Variants in DPP10 observed in about 807,000 individuals in gnomAD.
DPP10 encodes the protein dipeptidyl peptidase like 10, also known as inactive dipeptidyl peptidase 10.
DPP10 carries 33 observed loss-of-function variants against 120.9 expected under a neutral mutation model. That is an observed-to-expected ratio of 0.27 (90% CI 0.21 to 0.37). The LOEUF (loss-of-function observed/expected upper bound fraction) is 0.37, where lower values mean the gene tolerates loss of function less well. Among genes scored for constraint, DPP10 ranks in the 10% least tolerant of loss-of-function variants. The pLI, the probability that DPP10 is intolerant of heterozygous loss-of-function variation, is 1.00. For synonymous variants in DPP10, 337 were observed against 326.1 expected (o/e 1.03, Z -0.36); for missense variants, 816 against 942.8 (o/e 0.87, Z 1.76).
At chr2:115,059,515 G>A (rs1706224065) in intron 1 of DPP10, among the ~76,000 whole-genome samples, 1 of 151,894 alleles carries the variant, frequency 6.6e-6, no homozygotes, top group Non-Finnish European at 1.5e-5. Flanking sequence ...ATGCTGTTCT[G>A]AACAATCAGA....
chr2:115,190,766 A>T (rs1200145151), intron 1 of DPP10, among the ~76,000 whole-genome samples: 2 of 152,126 alleles, frequency 1.3e-5, no homozygotes, highest in East Asian at 3.9e-4. Context: ...GCCCAAGTGG[A>T]AAGGGGATAA....
At chr2:114,758,483 T>C (rs1247703267) in intron 1 of DPP10, among the ~76,000 whole-genome samples, 1 of 152,244 alleles carries the variant, frequency 6.6e-6, no homozygotes, top group African/African-American at 2.4e-5. Context: ...CCTCATTGCG[T>C]AGCTTCTGAG....
intron 5 of DPP10, among the ~76,000 whole-genome samples, chr2:115,667,384 C>G (rs111901258): frequency 0.02 from 2,996 of 152,044 alleles, 90 homozygotes; most frequent in African/African-American, 0.067. Flanking sequence ...ATTTTTGTTG[C>G]AATTGCTTTT....
chr2:114,752,845 G>T (rs72830388), intron 1 of DPP10, among the ~76,000 whole-genome samples: 1,857 of 152,292 alleles, frequency 0.012, 20 homozygotes, highest in Middle Eastern at 0.034. Flanking sequence ...AAAATCATAG[G>T]TTTGCTGATG....
At chr2:114,453,357 T>G (rs957865988) in intron 1 of DPP10, among the ~76,000 whole-genome samples, 1 of 152,210 alleles carries the variant, frequency 6.6e-6, no homozygotes, top group Non-Finnish European at 1.5e-5. Flanking sequence ...CCTTTCATAT[T>G]AAATGACTCA....
intron 1 of DPP10, among the ~76,000 whole-genome samples, chr2:114,603,168 T>C (rs1051994850): frequency 3.3e-5 from 5 of 152,054 alleles, no homozygotes; most frequent in African/African-American, 9.7e-5. Flanking sequence ...TGATTTCCAC[T>C]TGTTTCAATT....
At chr2:114,669,115 G>C (rs1289577436) in intron 1 of DPP10, among the ~76,000 whole-genome samples, 1 of 151,980 alleles carries the variant, frequency 6.6e-6, no homozygotes, top group East Asian at 1.9e-4. Context: ...CTACTTTCTT[G>C]TTGTTACAAC....
chr2:115,382,414 G>C (rs1018534077), intron 3 of DPP10, among the ~76,000 whole-genome samples: 3 of 152,128 alleles, frequency 2.0e-5, no homozygotes, highest in Non-Finnish European at 4.4e-5. Flanking sequence ...GCCCTGCTTC[G>C]GCTCGCGCAC....
chr2:115,763,921 G>C (rs1178070446), intron 12 of DPP10, among the ~76,000 whole-genome samples: 1 of 152,120 alleles, frequency 6.6e-6, no homozygotes, highest in Admixed American at 6.6e-5. Context: ...ACCCTCATAT[G>C]CACAGGGACT....
intron 5 of DPP10, among the ~76,000 whole-genome samples, chr2:115,659,537 ATG>A (rs2088716646): frequency 6.6e-6 from 1 of 152,128 alleles, no homozygotes; most frequent in Non-Finnish European, 1.5e-5. Flanking sequence ...AAGAAATAAA[ATG>A]TGTTTGTTGT....
At chr2:115,702,735 A>G (rs933009343) in intron 7 of DPP10, among the ~76,000 whole-genome samples, 16 of 152,070 alleles carry the variant, frequency 1.1e-4, no homozygotes, top group Admixed American at 9.8e-4. Flanking sequence ...AGTATATGGG[A>G]CTTCTTTTTG....
At chr2:114,752,328 C>T (rs1679310322) in intron 1 of DPP10, among the ~76,000 whole-genome samples, 1 of 152,124 alleles carries the variant, frequency 6.6e-6, no homozygotes, top group Non-Finnish European at 1.5e-5. Context: ...AAAAGAAATC[C>T]TGCCAAAGTT....
intron 3 of DPP10, among the ~76,000 whole-genome samples, chr2:115,344,243 G>A (rs754678919): frequency 8.6e-5 from 13 of 151,890 alleles, no homozygotes; most frequent in Non-Finnish European, 1.5e-4. Flanking sequence ...TCTTGTGAGA[G>A]AAAATCAATT....
chr2:114,672,539 T>C (rs922329537), intron 1 of DPP10, among the ~76,000 whole-genome samples: 1 of 152,146 alleles, frequency 6.6e-6, no homozygotes, highest in African/African-American at 2.4e-5. Flanking sequence ...CCTTCTCAGC[T>C]CCAGGAGATA....
At chr2:114,772,461 C>CT (rs71297182) in intron 1 of DPP10, among the ~76,000 whole-genome samples, 22,478 of 151,938 alleles carry the variant, frequency 0.15, 2,687 homozygotes, top group African/African-American at 0.33. Flanking sequence ...ACCCAGCCAC[C>CT]TTTTTTATTT....
intron 3 of DPP10, among the ~76,000 whole-genome samples, chr2:115,383,968 C>T (rs2066647067): frequency 6.6e-6 from 1 of 152,122 alleles, no homozygotes; most frequent in Admixed American, 6.5e-5. Context: ...TATAAAGTAT[C>T]TGTCTAACCA....
chr2:115,661,766 G>A (rs1316509678), intron 5 of DPP10, among the ~76,000 whole-genome samples: 1 of 152,096 alleles, frequency 6.6e-6, no homozygotes, highest in African/African-American at 2.4e-5. Flanking sequence ...ATATATTTAA[G>A]ATGTGCAAGT....
chr2:115,457,551 T>A (rs2073667487), intron 3 of DPP10, among the ~76,000 whole-genome samples: 1 of 152,118 alleles, frequency 6.6e-6, no homozygotes, highest in African/African-American at 2.4e-5. Flanking sequence ...ACCAAAGAAT[T>A]CATGTGATTG....
At chr2:114,945,179 TTGG>T (rs1697253549) in intron 1 of DPP10, among the ~76,000 whole-genome samples, 1 of 152,218 alleles carries the variant, frequency 6.6e-6, no homozygotes. Flanking sequence ...AAATTTGTGT[TTGG>T]TGGTGATATT....
Sources: allele counts gnomAD v4.1 joint callset (sites outside exome capture counted in the v4.1 genomes callset), GRCh38; gene constraint gnomAD v4.1.1; transcripts MANE v1.5; gene names NCBI Gene and HGNC (gene_info 2026-07-23, HGNC 2026-07-21).